Variants in METTL16 observed in about 807,000 individuals in gnomAD.
The protein encoded by METTL16 is methyltransferase 16, RNA N6-adenosine.
In METTL16, 19 loss-of-function variants were observed where a neutral mutation model predicts 57.9. That is an observed-to-expected ratio of 0.33 (90% CI 0.23 to 0.48). The LOEUF is 0.48. Ranked by LOEUF, METTL16 falls within the 20% of genes least tolerant of loss-of-function variation. METTL16 has a pLI of 0.99. For missense variants in METTL16, 434 were observed against 691.5 expected (o/e 0.63, Z 4.18); for synonymous variants, 246 against 255.6 (o/e 0.96, Z 0.36).
intron 6 of METTL16, among the ~76,000 whole-genome samples, chr17:2,443,648 G>A (rs925619721): frequency 6.6e-6 from 1 of 151,620 alleles, no homozygotes; most frequent in Non-Finnish European, 1.5e-5. Context: ...CACGACGCCC[G>A]GCTATTTTTT....
rs1026262161 is a variant in METTL16 at position 2,419,725 on chromosome 17, T to G, written c.*245A>C. 1 of 670,838 alleles carries G rather than the reference T, an allele frequency of 1.5e-6. No individual in the cohort carries two copies. 41.6% of individuals were successfully genotyped at this position (670,838 alleles called of 1,614,324 possible). ...AGCTTGCAATCCCTCGGGAGTTTACTGAGGGCTTTCTGTTGTTACTGATGA... is the reference window on the plus strand; with the variant it reads ...AGCTTGCAATCCCTCGGGAGTTTACGGAGGGCTTTCTGTTGTTACTGATGA... On this transcript the variant is annotated 3_prime_UTR_variant, in exon 10 of 10. Transcript: ENST00000263092.
At chr17:2,492,749 T>C (rs901912192) in intron 2 of METTL16, among the ~76,000 whole-genome samples, 2 of 151,356 alleles carry the variant, frequency 1.3e-5, no homozygotes, top group African/African-American at 2.4e-5. Flanking sequence ...ATAAAAAAAT[T>C]AGCCAGGTGT....
chr17:2,417,058 C>CTTTGTTTTTTTTTTT lies in METTL16; in HGVS notation c.*2911_*2912insAAAAAAAAAAACAAA, dbSNP rs2066722449. 1.6e-5 allele frequency: 1 copy of CTTTGTTTTTTTTTTT among 61,534 alleles called. No individual in the cohort carries two copies. The highest frequency in any genetic ancestry group is 6.8e-5 in the African/African-American group (1 of 14,658). The allele number at this position is 61,534 out of a possible 1,614,324, so 3.8% of individuals were successfully genotyped here. On this transcript the variant is annotated 3_prime_UTR_variant, in exon 10 of 10. Coordinates refer to ENST00000263092, the MANE Select transcript of METTL16 (RefSeq NM_024086.4). The stretch of plus-strand genomic sequence containing the variant: ...TGAAAGCTGGCCTGCTCATGGGTTC[C>CTTTGTTTTTTTTTTT]TTTTTTTTTTTTTTTTTTTTTTTTT...
chr17:2,430,244 C>T (rs1362216138), intron 8 of METTL16, among the ~76,000 whole-genome samples: 9 of 151,866 alleles, frequency 5.9e-5, no homozygotes, highest in African/African-American at 2.2e-4. Flanking sequence ...TCCCAAGTAG[C>T]TGGGACTTCA....
rs564797281 is a variant in METTL16, at chr17:2,505,395, ATTTTTTTTTTTTTT to A, written c.1-3078_1-3065del. Among the ~76,000 whole-genome samples, 13 of 50,590 alleles carry A rather than the reference ATTTTTTTTTTTTTT, an allele frequency of 2.6e-4. No individual in the cohort carries two copies. In the East Asian group the frequency reaches 4.0e-3, roughly 16 times the overall value. The allele number at this position is 50,590 out of a possible 152,430, so 33.2% of individuals were successfully genotyped here. A position where few individuals can be genotyped will look rare whatever the true frequency, so the allele number is the denominator to read the frequency against. Reference sequence around the variant, plus strand: ...CCCCAACAATGTCAAGCCCAGAGGCATTTTTTTTTTTTTTTTTTTTTTTTTTTTTTTTTTTTAGA... The same window carrying A: ...CCCCAACAATGTCAAGCCCAGAGGCATTTTTTTTTTTTTTTTTTTTTTAGA... On this transcript the variant is annotated intron_variant, in intron 1 of 9. Transcript: ENST00000263092.
intron 6 of METTL16, among the ~76,000 whole-genome samples, chr17:2,456,384 G>A (rs977288501): frequency 2.0e-5 from 3 of 152,130 alleles, no homozygotes; most frequent in African/African-American, 7.2e-5. Flanking sequence ...AACAAGAAGT[G>A]GTATGTTCTT....
chr17:2,497,640 G>C (rs759906476), intron 2 of METTL16, among the ~76,000 whole-genome samples: 6 of 151,578 alleles, frequency 4.0e-5, no homozygotes, highest in Admixed American at 1.3e-4. Flanking sequence ...TTATTCTCAT[G>C]CAGTCAACAA....
At chr17:2,464,489 C>A in intron 5 of METTL16, 139 bp from the exon 6 acceptor site, 1 of 701,836 alleles carries the variant, frequency 1.4e-6, no homozygotes, top group Non-Finnish European at 2.1e-6. Flanking sequence ...ATTTTAAAAT[C>A]ATAGCCACTA....
chr17:2,479,718 C>A (rs2067291247), intron 2 of METTL16, among the ~76,000 whole-genome samples: 1 of 152,084 alleles, frequency 6.6e-6, no homozygotes, highest in South Asian at 2.1e-4. Context: ...TGTTTCCACC[C>A]AGCAACCATG....
intron 2 of METTL16, among the ~76,000 whole-genome samples, chr17:2,493,794 A>T (rs1459724209): frequency 6.6e-6 from 1 of 151,918 alleles, no homozygotes; most frequent in African/African-American, 2.4e-5. Flanking sequence ...CTCCTACCTA[A>T]GCAGGAAGGG....
In METTL16 at chr17:2,447,762, C is replaced by G. The variant is rs2067018911; in HGVS notation, c.729-6203G>C. On this transcript the variant is annotated intron_variant, in intron 6 of 9. Transcript: ENST00000263092. ...CAGTCCGGGAGGGAGGTGGGGGGAT[C>G]AGCCCCCCGCCCGGCCAGCCGCCCC... Among the ~76,000 whole-genome samples the G allele has an allele frequency of 4.9e-5, 6 of 123,680 alleles. No homozygotes were observed. The South Asian group carries it at 1.6e-3, about 33-fold the overall frequency. 81.1% of individuals were successfully genotyped at this position (123,680 alleles called of 152,430 possible).
chr17:2,505,395 A>ATTTTTTTTTT (rs564797281), intron 1 of METTL16, among the ~76,000 whole-genome samples: 1 of 50,554 alleles, frequency 2.0e-5, no homozygotes, highest in African/African-American at 6.4e-5. Context: ...GCCCAGAGGC[A>ATTTTTTTTTT]TTTTTTTTTT....
At chr17:2,469,421 C>T (rs1033872873) in intron 4 of METTL16, among the ~76,000 whole-genome samples, 24 of 151,664 alleles carry the variant, frequency 1.6e-4, no homozygotes, top group African/African-American at 5.1e-4. Context: ...ATCTCTTTAA[C>T]GGAAAAAAAA....
At chr17:2,467,044 A>G (rs2067203634) in intron 5 of METTL16, among the ~76,000 whole-genome samples, 1 of 151,626 alleles carries the variant, frequency 6.6e-6, no homozygotes, top group Non-Finnish European at 1.5e-5. Flanking sequence ...AGCTCAAGCT[A>G]TCCACCCACC....
Position 2,443,669 on chromosome 17 carries a change from A to T in METTL16, c.729-2110T>A, listed in dbSNP as rs896064678. Among the ~76,000 whole-genome samples the T allele has an allele frequency of 7.3e-5, 11 of 150,946 alleles. No individual in the cohort carries two copies. The East Asian group carries it at 7.8e-4, about 11-fold the overall frequency. ...GCCCGGCTATTTTTTTTTTATTATT[A>T]TTTTTATTTTTAGTAGAAACGGGGT... On this transcript the variant is annotated intron_variant, in intron 6 of 9. Coordinates refer to ENST00000263092, the MANE Select transcript of METTL16 (RefSeq NM_024086.4).
chr17:2,481,565 G>A (rs1253817249), intron 2 of METTL16, among the ~76,000 whole-genome samples: 1 of 152,096 alleles, frequency 6.6e-6, no homozygotes, highest in East Asian at 1.9e-4. Context: ...CAAGTTATGA[G>A]AGTGAATTTT....
chr17:2,462,454 C>T (rs969561419), intron 6 of METTL16, among the ~76,000 whole-genome samples: 4 of 152,100 alleles, frequency 2.6e-5, no homozygotes, highest in Admixed American at 6.6e-5. Context: ...TTTTAGATGG[C>T]GATACGGTTT....
chr17:2,465,075 AAAAC>A (rs1171571346), intron 5 of METTL16, among the ~76,000 whole-genome samples: 2 of 152,226 alleles, frequency 1.3e-5, no homozygotes, highest in African/African-American at 4.8e-5. Context: ...AATAAAAACA[AAAAC>A]AAACCAACTT....
intron 4 of METTL16, among the ~76,000 whole-genome samples, chr17:2,469,054 G>A (rs1162163777): frequency 6.6e-6 from 1 of 151,990 alleles, no homozygotes; most frequent in Non-Finnish European, 1.5e-5. Flanking sequence ...GGCCAACATG[G>A]TGAAACCCTG....
Sources: gnomAD v4.1 joint callset for allele counts (sites outside exome capture counted in the v4.1 genomes callset) on GRCh38, gnomAD v4.1.1 for gene constraint, MANE v1.5 for transcripts, NCBI Gene and HGNC (gene_info 2026-07-23, HGNC 2026-07-21) for gene names.